The following ELL variants were observed in gnomAD, a reference collection of about 807,000 sequenced individuals.
The protein encoded by ELL is RNA polymerase II elongation factor ELL.
In ELL, 18 loss-of-function variants were observed where a neutral mutation model predicts 64.0. The ratio of observed to expected loss-of-function variants is 0.28; its 90% CI spans 0.19 to 0.42. ELL has a LOEUF of 0.42. Among genes scored for constraint, ELL ranks in the 10% least tolerant of loss-of-function variants. The pLI, the probability that ELL is intolerant of heterozygous loss-of-function variation, is 1.00. For missense variants in ELL, 797 were observed against 870.4 expected, an observed-to-expected ratio of 0.92 and a Z score of 1.06; for synonymous variants, 399 against 376.2, an observed-to-expected ratio of 1.06 and a Z score of -0.70.
chr19:18,481,053 T>C (rs1975290055), intron 1 of ELL, among the ~76,000 whole-genome samples: 1 of 152,154 alleles, frequency 6.6e-6, no homozygotes, highest in Admixed American at 6.5e-5. Context: ...CTCTACACGC[T>C]CCACGCACCT....
intron 1 of ELL, among the ~76,000 whole-genome samples, chr19:18,482,308 C>CCTT (rs747068945): frequency 1.3e-5 from 1 of 77,578 alleles, no homozygotes; most frequent in Admixed American, 1.6e-4. Context: ...CTTTTCATTC[C>CCTT]TTTTTTTTTT....
At chr19:18,478,007 G>A (rs1437001255) in intron 1 of ELL, among the ~76,000 whole-genome samples, 6 of 152,144 alleles carry the variant, frequency 3.9e-5, no homozygotes, top group African/African-American at 9.7e-5. Context: ...GGGGTGCAGT[G>A]CCCTGACAAG....
intron 1 of ELL, among the ~76,000 whole-genome samples, chr19:18,502,756 T>C (rs1196744146): frequency 2.0e-5 from 3 of 152,214 alleles, no homozygotes; most frequent in African/African-American, 7.2e-5. Flanking sequence ...GGTGGCAGCA[T>C]GGGTTAGTGT....
chr19:18,478,868 C>G (rs1041149240), intron 1 of ELL, among the ~76,000 whole-genome samples: 4 of 152,214 alleles, frequency 2.6e-5, no homozygotes, highest in Admixed American at 6.5e-5. Context: ...GCAGCTCCCC[C>G]TCAATGAGGA....
Position 18,444,404 on chromosome 19 carries a change from T to A in ELL, c.*348A>T, listed in dbSNP as rs1974364938. On this transcript the variant is annotated 3_prime_UTR_variant, in exon 12 of 12. Transcript: ENST00000262809. ...AGACTCAAGTCTCATTAGCAGTAGCTAAAAGTGGCTGTCTTTGTATAAAAC... is the reference window on the plus strand; with the variant it reads ...AGACTCAAGTCTCATTAGCAGTAGCAAAAAGTGGCTGTCTTTGTATAAAAC... 1 of 282,562 alleles carries A rather than the reference T, an allele frequency of 3.5e-6. No homozygotes were observed. Among genetic ancestry groups the A allele is most frequent in the African/African-American group, 2.1e-5 (1 of 46,690 alleles). 17.5% of individuals were successfully genotyped at this position (282,562 alleles called of 1,614,324 possible).
chr19:18,481,843 G>A (rs566981623), intron 1 of ELL, among the ~76,000 whole-genome samples: 6 of 152,306 alleles, frequency 3.9e-5, no homozygotes, highest in African/African-American at 1.4e-4. Flanking sequence ...TTCTGTGGAC[G>A]TGTTTTCATT....
chr19:18,483,250 G>A (rs923734602), intron 1 of ELL, among the ~76,000 whole-genome samples: 13 of 152,170 alleles, frequency 8.5e-5, no homozygotes, highest in Admixed American at 6.5e-4. Context: ...TGCACCCTGG[G>A]TCATGACCAC....
intron 1 of ELL, 83 bp downstream of exon 1, chr19:18,521,837 GC>G (rs1371047107): frequency 3.6e-5 from 54 of 1,485,144 alleles, no homozygotes; most frequent in Admixed American, 3.0e-4. Flanking sequence ...GCGTCTCCGA[GC>G]CCGGACGCCT....
At chr19:18,457,765 A>ACGCCTGCCCTGC (rs1409929112) in intron 6 of ELL, among the ~76,000 whole-genome samples, 1 of 152,134 alleles carries the variant, frequency 6.6e-6, no homozygotes, top group African/African-American at 2.4e-5. Flanking sequence ...CTGCTTAATG[A>ACGCCTGCCCTGC]CGCCTGCCCT....
intron 2 of ELL, among the ~76,000 whole-genome samples, chr19:18,469,220 A>C (rs891515958): frequency 6.6e-6 from 1 of 152,148 alleles, no homozygotes; most frequent in African/African-American, 2.4e-5. Context: ...AGGGGTGAGA[A>C]GGTGGGGAGA....
chr19:18,451,431 G>T, intron 7 of ELL, 121 bp downstream of exon 7: 1 of 940,818 alleles, frequency 1.1e-6, no homozygotes, highest in Non-Finnish European at 1.5e-6. Flanking sequence ...GGAGGGAGGC[G>T]GCTCAACTTG....
rs1406456651 is a variant in ELL, at chr19:18,458,275, T to C, written c.799A>G (p.Lys267Glu). 6.2e-7 allele frequency: 1 copy of C among 1,613,340 alleles called. No individual in the cohort carries two copies. Among genetic ancestry groups the C allele is most frequent in the East Asian group, 2.2e-5 (1 of 44,878 alleles). The change falls in exon 6 of 12, where the codon AAG becomes GAG. Residue 267 changes from lysine (K) to glutamate (E), a missense_variant. Lys to Glu is a moderately conservative substitution (Grantham distance 56). Coordinates refer to ENST00000262809, the MANE Select transcript of ELL (RefSeq NM_006532.4). ...CCAGGCCAGTCCTTCTGCACATCCT[T>C]GTACATGCAGTCCTGCAGTGTACAC... ...GTCTLQDCMY[K>E]DVQKDWPGYS...
intron 1 of ELL, among the ~76,000 whole-genome samples, chr19:18,484,328 G>T (rs1975367233): frequency 6.6e-6 from 1 of 152,332 alleles, no homozygotes; most frequent in East Asian, 1.9e-4. Context: ...GGCCAGGCGT[G>T]GTGGCAGGTG....
chr19:18,508,487 C>G (rs1975931313), intron 1 of ELL, among the ~76,000 whole-genome samples: 1 of 152,160 alleles, frequency 6.6e-6, no homozygotes, highest in South Asian at 2.1e-4. Flanking sequence ...ATAAAGGGGC[C>G]AGAACAAAAG....
chr19:18,500,188 G>C (rs961680689), intron 1 of ELL, among the ~76,000 whole-genome samples: 4 of 151,912 alleles, frequency 2.6e-5, no homozygotes, highest in African/African-American at 7.3e-5. Flanking sequence ...CTTGAACCTG[G>C]GAGGCGGAGG....
chr19:18,454,840 CAAAAAAAAA>C (rs563546343), intron 6 of ELL, among the ~76,000 whole-genome samples: 1 of 56,518 alleles, frequency 1.8e-5, no homozygotes, highest in East Asian at 4.8e-4. Context: ...GACTCAGTCT[CAAAAAAAAA>C]AAAAAAAAAG....
intron 1 of ELL, among the ~76,000 whole-genome samples, chr19:18,517,499 C>A (rs1976153809): frequency 6.6e-6 from 1 of 152,092 alleles, no homozygotes; most frequent in Non-Finnish European, 1.5e-5. Flanking sequence ...GATCCTCCCA[C>A]CTCAGCCTCC....
At chr19:18,506,252 C>T (rs1386114930) in intron 1 of ELL, among the ~76,000 whole-genome samples, 1 of 152,360 alleles carries the variant, frequency 6.6e-6, no homozygotes, top group East Asian at 1.9e-4. Context: ...AGGCCTGGGC[C>T]CTGTCTCCCG....
chr19:18,445,289 T>C, intron 10 of ELL, 21 bp from the exon 11 acceptor site: 1 of 1,613,524 alleles, frequency 6.2e-7, no homozygotes, highest in Non-Finnish European at 8.5e-7. Flanking sequence ...AACAAAATTT[T>C]GAGAAAACAG....
Sources: gnomAD v4.1 joint callset for allele counts (sites outside exome capture counted in the v4.1 genomes callset) on GRCh38, gnomAD v4.1.1 for gene constraint, MANE v1.5 for transcripts, NCBI Gene and HGNC (gene_info 2026-07-23, HGNC 2026-07-21) for gene names.